The following MEF2B variants were observed in gnomAD, a reference collection of about 807,000 sequenced individuals.
MEF2B encodes myocyte-specific enhancer factor 2B.
In MEF2B, 15 loss-of-function variants were observed where a neutral mutation model predicts 32.2. The ratio of observed to expected loss-of-function variants is 0.47; its 90% CI spans 0.31 to 0.72. MEF2B has a LOEUF of 0.72. MEF2B is among the 30% of genes least tolerant of loss of function. The pLI, the probability that MEF2B is intolerant of heterozygous loss-of-function variation, is 0.05. For synonymous variants in MEF2B, 205 were observed against 225.6 expected (o/e 0.91, Z 0.82); for missense variants, 441 against 511.5 (o/e 0.86, Z 1.33).
intron 2 of MEF2B, among the ~76,000 whole-genome samples, chr19:19,150,258 G>T (rs1280969438): frequency 6.6e-6 from 1 of 151,148 alleles, no homozygotes; most frequent in East Asian, 2.0e-4. Flanking sequence ...GACCAGGCGC[G>T]GTGGCTCACG....
At chr19:19,166,593 C>T (rs11669861) in intron 1 of MEF2B, among the ~76,000 whole-genome samples, 75,932 of 138,966 alleles carry the variant, frequency 0.55, 20,875 homozygotes, top group East Asian at 0.64. Context: ...CCCCCATCTC[C>T]AATTAAAAAA....
chr19:19,158,018 G>T (rs1337931141), intron 1 of MEF2B, among the ~76,000 whole-genome samples: 1 of 152,098 alleles, frequency 6.6e-6, no homozygotes, highest in African/African-American at 2.4e-5. Flanking sequence ...TGTTCAGTTT[G>T]TGCAAATGTG....
chr19:19,165,000 C>T (rs1044418536), intron 1 of MEF2B, among the ~76,000 whole-genome samples: 14 of 152,194 alleles, frequency 9.2e-5, no homozygotes, highest in African/African-American at 3.4e-4. Context: ...CAGCGCTGGG[C>T]AGAAGGGACC....
chr19:19,168,625 G>A (rs1193562959), intron 1 of MEF2B, among the ~76,000 whole-genome samples: 3 of 147,724 alleles, frequency 2.0e-5, no homozygotes, highest in African/African-American at 7.5e-5. Flanking sequence ...ACAGGATCTT[G>A]CTCTGTCACC....
chr19:19,146,308 C>T lies in MEF2B; in HGVS notation c.846G>A (p.Arg282=), dbSNP rs2060025638. The change falls in exon 8 of 9, where the codon AGG becomes AGA. Residue 282 remains arginine, a synonymous_variant. Coordinates refer to ENST00000424583, the MANE Select transcript of MEF2B (RefSeq NM_001145785.2). The part of the protein sequence containing the change: ...PPTLAPWQPS[R]GDGPPAVSSQ... ...AGGACACGGCGGGGGGCCCATCACCCCTCGAGGGCTGCCAGGGGGCCAGGG... is the reference window on the plus strand; with the variant it reads ...AGGACACGGCGGGGGGCCCATCACCTCTCGAGGGCTGCCAGGGGGCCAGGG... 8.2e-6 allele frequency: 11 copies of T among 1,344,522 alleles called. No homozygotes were observed. Among genetic ancestry groups the T allele is most frequent in the Non-Finnish European group, 1.1e-5 (11 of 1,043,178 alleles). The allele number at this position is 1,344,522 out of a possible 1,614,324, so 83.3% of individuals were successfully genotyped here.
At position 19,146,759 on chromosome 19, in the gene MEF2B, C is replaced by T; in HGVS notation, c.658G>A (p.Gly220Arg). The change falls in exon 6 of 9, where the codon GGG (glycine) becomes AGG (arginine). Residue 220 changes from glycine (G) to arginine (R), a missense_variant. Physicochemically the swap from Gly to Arg is moderately radical, Grantham distance 125 (BLOSUM62 -2). Transcript: ENST00000424583. Reference protein sequence around the residue: ...DLPGGLAGPRGGLNTSRSLYS... With the variant: ...DLPGGLAGPRRGLNTSRSLYS... ...TCACTCACGGAGGTGTTTAGTCCCC[C>T]TCGGGGCCCAGCCAGGCCACCAGGC... The T allele has an allele frequency of 6.2e-7, 1 of 1,614,072 alleles. No individual in the cohort carries two copies. The highest frequency in any genetic ancestry group is 8.5e-7 in the Non-Finnish European group (1 of 1,179,966).
In MEF2B at chr19:19,149,429, C is replaced by T; in HGVS notation, c.55G>A (p.Val19Met). 1 of 1,613,974 alleles carries T rather than the reference C, an allele frequency of 6.2e-7. No homozygotes were observed. Among genetic ancestry groups the T allele is most frequent in the Non-Finnish European group, 8.5e-7 (1 of 1,180,014 alleles). Residue 19 changes from valine (V) to methionine (M), a missense_variant and splice_region_variant, in exon 3 of 9, where the codon GTG becomes ATG. Transcript: ENST00000424583. ...SRILDQRNRQVTFTKRKFGLM... is the reference protein window; with the variant it reads ...SRILDQRNRQMTFTKRKFGLM... The stretch of plus-strand genomic sequence containing the variant: ...CCGAACTTCCGCTTGGTGAACGTCA[C>T]CTGGACCCAGGACCCACAGGGGCAG...
intron 1 of MEF2B, among the ~76,000 whole-genome samples, 183 bp from the exon 2 acceptor site, chr19:19,150,947 G>T (rs1403240244): frequency 6.6e-6 from 1 of 152,158 alleles, no homozygotes; most frequent in East Asian, 1.9e-4. Flanking sequence ...TGCAGTAGAG[G>T]CTCAATGAAC....
At position 19,147,867 on chromosome 19, in the gene MEF2B, C is replaced by A. The variant is rs551042539; in HGVS notation, c.259-35G>T. The A allele has an allele frequency of 5.6e-5, 90 of 1,592,922 alleles. 1 individual carries two copies. The South Asian group carries it at 9.3e-4, about 16-fold the overall frequency. ...CAGGAGACAACAGGGTAGACCCTTACCCCTACCCCACCCAGGGAACCCAGT... is the reference window on the plus strand; with the variant it reads ...CAGGAGACAACAGGGTAGACCCTTAACCCTACCCCACCCAGGGAACCCAGT... On this transcript the variant is annotated intron_variant, in intron 3 of 8. Transcript: ENST00000424583.
rs1473493882 is a variant in MEF2B at position 19,147,390 on chromosome 19, A to G, written c.394-207T>C. On this transcript the variant is annotated intron_variant, in intron 4 of 8. Coordinates refer to ENST00000424583, the MANE Select transcript of MEF2B (RefSeq NM_001145785.2). ...CTGTCTGGCTCTGCCTGTCCTTGACAGGTAGGTCCAGAGCCAAGACCTCTC... is the reference window on the plus strand; with the variant it reads ...CTGTCTGGCTCTGCCTGTCCTTGACGGGTAGGTCCAGAGCCAAGACCTCTC... Among the ~76,000 whole-genome samples, 3 of 77,108 alleles carry G rather than the reference A, an allele frequency of 3.9e-5. 1 individual carries two copies. Among genetic ancestry groups the G allele is most frequent in the African/African-American group, 1.4e-4 (3 of 21,944 alleles). The allele number at this position is 77,108 out of a possible 152,430, so 50.6% of individuals were successfully genotyped here.
intron 1 of MEF2B, among the ~76,000 whole-genome samples, chr19:19,169,005 T>C (rs2060231741): frequency 6.6e-6 from 1 of 152,004 alleles, no homozygotes; most frequent in South Asian, 2.1e-4. Context: ...TGAGCCAAGA[T>C]TGAGCCACTG....
At chr19:19,159,368 C>T (rs1222889372) in intron 1 of MEF2B, among the ~76,000 whole-genome samples, 2 of 151,748 alleles carry the variant, frequency 1.3e-5, no homozygotes, top group Non-Finnish European at 2.9e-5. Flanking sequence ...CTGCAGTGAG[C>T]TATGAGTGGG....
At chr19:19,160,543 G>A (rs1010696559) in intron 1 of MEF2B, among the ~76,000 whole-genome samples, 7 of 150,244 alleles carry the variant, frequency 4.7e-5, no homozygotes, top group South Asian at 2.1e-4. Flanking sequence ...GAGTCACTTC[G>A]CCAGACCCCT....
At position 19,145,801 on chromosome 19, in the gene MEF2B, CG is replaced by C; in HGVS notation, c.1102del (p.Arg368GlyfsTer36). 6.5e-7 allele frequency: 1 copy of C among 1,540,024 alleles called. No homozygotes were observed. The highest frequency in any genetic ancestry group is 8.8e-7 in the Non-Finnish European group (1 of 1,141,102). On this transcript the variant is annotated frameshift_variant, in exon 9 of 9. Transcript: ENST00000424583. LOFTEE classifies it high-confidence loss of function. The surrounding 1 kb of genome is among the most constrained non-coding windows in gnomAD (Gnocchi z 4.6). ...CTGGTGCCACCGGGTGATCTCCTACCGGGGCCAGCCGTCGGCCAAGGGCAGC... is the reference window on the plus strand; with the variant it reads ...CTGGTGCCACCGGGTGATCTCCTACCGGGCCAGCCGTCGGCCAAGGGCAGC... ...RRLPLADGWP[R>X]
intron 1 of MEF2B, among the ~76,000 whole-genome samples, chr19:19,153,226 A>C (rs1195385960): frequency 6.6e-6 from 1 of 152,134 alleles, no homozygotes; most frequent in Non-Finnish European, 1.5e-5. Flanking sequence ...CATTTTAGAC[A>C]CAGACACCAT....
In MEF2B at chr19:19,147,133, C is replaced by A; in HGVS notation, c.444G>T (p.Pro148=). 5 of 1,599,772 alleles carry A rather than the reference C, an allele frequency of 3.1e-6. 1 individual carries two copies. In the South Asian group the frequency reaches 5.6e-5, roughly 18 times the overall value. The change falls in exon 5 of 9, where the codon CCG becomes CCT. Residue 148 remains proline (P), a synonymous_variant. Transcript: ENST00000424583. ...GCCCACTGGGGTCACAGCCTGGTGG[C>A]GGTAAGGCCCCGTATACCACATCTG... ...PSPDVVYGAL[P]PPGCDPSGLG... is the part of the protein sequence containing the mutation.
intron 1 of MEF2B, among the ~76,000 whole-genome samples, chr19:19,165,327 C>T (rs528443404): frequency 5.8e-4 from 89 of 152,224 alleles, no homozygotes; most frequent in African/African-American, 1.9e-3. Flanking sequence ...CCTGTAATCC[C>T]GGCTACTCAG....
At chr19:19,154,606 G>C (rs2060108059) in intron 1 of MEF2B, among the ~76,000 whole-genome samples, 1 of 152,030 alleles carries the variant, frequency 6.6e-6, no homozygotes, top group African/African-American at 2.4e-5. Context: ...ACCACACCTG[G>C]CTAATTTTTG....
intron 1 of MEF2B, among the ~76,000 whole-genome samples, chr19:19,165,391 C>T (rs760829411): frequency 3.3e-5 from 5 of 152,024 alleles, no homozygotes; most frequent in African/African-American, 4.8e-5. Flanking sequence ...TGCAGTGAGC[C>T]GAGATCGCAC....
Sources: gnomAD v4.1 joint callset for allele counts (sites outside exome capture counted in the v4.1 genomes callset) on GRCh38, gnomAD v4.1.1 for gene constraint, Gnocchi (gnomAD v3.1) non-coding constraint, MANE v1.5 for transcripts, NCBI Gene and HGNC (gene_info 2026-07-23, HGNC 2026-07-21) for gene names.